Variants in ELAVL2 observed in about 807,000 individuals in gnomAD.
The protein encoded by ELAVL2 is ELAV-like protein 2.
In ELAVL2, 4 loss-of-function variants were observed where a neutral mutation model predicts 34.6. The ratio of observed to expected loss-of-function variants is 0.12; its 90% CI spans 0.06 to 0.26. The LOEUF (loss-of-function observed/expected upper bound fraction) is 0.26. ELAVL2 is among the 10% of genes least tolerant of loss of function. The probability of loss-of-function intolerance (pLI) is 1.00; values close to 1 mark genes in which losing one functional copy is unlikely to be tolerated. For synonymous variants in ELAVL2, 193 were observed against 154.8 expected, an observed-to-expected ratio of 1.25 and a Z score of -1.83; for missense variants, 432 against 442.8, an observed-to-expected ratio of 0.98 and a Z score of 0.22.
At chr9:23,738,988 T>C (rs2048523715) in intron 2 of ELAVL2, among the ~76,000 whole-genome samples, 1 of 152,142 alleles carries the variant, frequency 6.6e-6, no homozygotes. Flanking sequence ...TCTTAATATA[T>C]CACATTTTCA....
chr9:23,758,524 G>A (rs1050347680), intron 2 of ELAVL2, among the ~76,000 whole-genome samples: 2 of 152,072 alleles, frequency 1.3e-5, no homozygotes, highest in African/African-American at 4.8e-5. Context: ...GATGCCTAGT[G>A]TTCAGATTTA....
intron 1 of ELAVL2, among the ~76,000 whole-genome samples, chr9:23,811,155 T>C (rs1303384482): frequency 3.3e-5 from 5 of 152,050 alleles, no homozygotes; most frequent in Non-Finnish European, 5.9e-5. Flanking sequence ...CACCCTACCA[T>C]CCACAAAACA....
intron 3 of ELAVL2, among the ~76,000 whole-genome samples, chr9:23,711,417 T>TC (rs2040921741): frequency 6.6e-6 from 1 of 152,318 alleles, no homozygotes; most frequent in East Asian, 1.9e-4. Flanking sequence ...CCTAAAGGGC[T>TC]CCCTAAGACT....
the ELAVL2 span, among the ~76,000 whole-genome samples, chr9:23,836,298 T>G: frequency 6.6e-6 from 1 of 152,348 alleles, no homozygotes; most frequent in South Asian, 2.1e-4. Context: ...ACAGACTGTT[T>G]AAGCTGTATG....
intron 3 of ELAVL2, among the ~76,000 whole-genome samples, chr9:23,716,296 C>G (rs1245128602): frequency 6.6e-6 from 1 of 151,990 alleles, no homozygotes; most frequent in African/African-American, 2.4e-5. Context: ...CACATGTACC[C>G]TAGAACTTAA....
intron 5 of ELAVL2, among the ~76,000 whole-genome samples, chr9:23,693,964 T>A (rs1462855563): frequency 1.3e-5 from 2 of 152,216 alleles, no homozygotes; most frequent in Non-Finnish European, 2.9e-5. Context: ...GTTACAGAAT[T>A]CTATACATTT....
At position 23,780,021 on chromosome 9, in the gene ELAVL2, A is replaced by C. The variant is rs1033036840; in HGVS notation, c.-15-17772T>G. Among the ~76,000 whole-genome samples, 107 of 101,700 alleles carry C rather than the reference A, an allele frequency of 1.1e-3. 5 individuals are homozygous for C. The highest frequency in any genetic ancestry group is 1.5e-3 in the African/African-American group (37 of 25,044). The allele number at this position is 101,700 out of a possible 152,430, so 66.7% of individuals were successfully genotyped here. On this transcript the variant is annotated intron_variant, in intron 1 of 6. Transcript: ENST00000397312. ...AAAAAAAAAAAAAAAAAAAAAAAAA[A>C]AAAAAAAAAAAAACTTCATGAACTT... is the stretch of plus-strand genomic sequence containing the variant.
intron 1 of ELAVL2, among the ~76,000 whole-genome samples, chr9:23,771,654 A>AT (rs1208907446): frequency 6.6e-6 from 1 of 152,194 alleles, no homozygotes; most frequent in Non-Finnish European, 1.5e-5. Context: ...TAAACATAGT[A>AT]TATCAGAAAA....
At chr9:23,730,899 C>A in intron 3 of ELAVL2, 123 bp downstream of exon 3, 2 of 851,976 alleles carry the variant, frequency 2.3e-6, no homozygotes, top group Non-Finnish European at 3.5e-6. Flanking sequence ...ACCAAAATTC[C>A]ACTATGTCTC....
intron 2 of ELAVL2, 25 bp from the exon 3 acceptor site, chr9:23,731,150 G>T (rs2046426740): frequency 6.3e-7 from 1 of 1,599,952 alleles, no homozygotes; most frequent in African/African-American, 1.3e-5. Flanking sequence ...GGGGAAAAAG[G>T]CATATATTAG....
At chr9:23,835,139 G>C in the ELAVL2 span, among the ~76,000 whole-genome samples, 1 of 151,942 alleles carries the variant, frequency 6.6e-6, no homozygotes, top group Non-Finnish European at 1.5e-5. Context: ...ACTTTAGTTA[G>C]GCTCAAACAT....
intron 1 of ELAVL2, among the ~76,000 whole-genome samples, chr9:23,787,393 A>C (rs1233422297): frequency 6.6e-6 from 1 of 151,368 alleles, no homozygotes. Flanking sequence ...CACCATGCCC[A>C]GCTAATTTTT....
intron 1 of ELAVL2, among the ~76,000 whole-genome samples, chr9:23,771,544 T>C (rs992332300): frequency 2.6e-5 from 4 of 152,178 alleles, no homozygotes; most frequent in African/African-American, 7.2e-5. Context: ...TTATATTTGC[T>C]ACTAAATGAA....
intron 3 of ELAVL2, among the ~76,000 whole-genome samples, chr9:23,708,457 C>A (rs1166628820): frequency 6.6e-6 from 1 of 152,180 alleles, no homozygotes; most frequent in Non-Finnish European, 1.5e-5. Context: ...TCTGATCTTT[C>A]TCTTTCTGTG....
chr9:23,767,950 C>A lies in ELAVL2; in HGVS notation c.-15-5701G>T, dbSNP rs1159041031. On this transcript the variant is annotated intron_variant, in intron 1 of 6. Coordinates refer to ENST00000397312, the MANE Select transcript of ELAVL2 (RefSeq NM_004432.5). ...TGCTGAAAGGGCCAATACAATGACC[C>A]CTGGTGAGGCTGCGCCTGTTGCTCC... Among the ~76,000 whole-genome samples, 3 of 152,214 alleles carry A rather than the reference C, an allele frequency of 2.0e-5. No homozygotes were observed. In the East Asian group the frequency reaches 5.8e-4, roughly 30 times the overall value.
At chr9:23,772,659 A>G (rs2057513257) in intron 1 of ELAVL2, among the ~76,000 whole-genome samples, 1 of 152,118 alleles carries the variant, frequency 6.6e-6, no homozygotes, top group Non-Finnish European at 1.5e-5. Context: ...CTTAGAATTC[A>G]TTGATGTATT....
At chr9:23,806,064 C>T (rs1259388354) in intron 1 of ELAVL2, among the ~76,000 whole-genome samples, 1 of 151,146 alleles carries the variant, frequency 6.6e-6, no homozygotes, top group Admixed American at 6.6e-5. Context: ...AGAAATAGCA[C>T]TTTAATAAAG....
chr9:23,751,999 G>A (rs1425608297), intron 2 of ELAVL2, among the ~76,000 whole-genome samples: 1 of 152,136 alleles, frequency 6.6e-6, no homozygotes, highest in Non-Finnish European at 1.5e-5. Context: ...AGCAAAGGAT[G>A]GAGGATGAGC....
At chr9:23,769,242 C>T (rs2056879528) in intron 1 of ELAVL2, among the ~76,000 whole-genome samples, 1 of 152,130 alleles carries the variant, frequency 6.6e-6, no homozygotes, top group Non-Finnish European at 1.5e-5. Flanking sequence ...GCATCACAAC[C>T]TTTACCACAC....
Sources: gnomAD v4.1 joint callset for allele counts (sites outside exome capture counted in the v4.1 genomes callset) on GRCh38, gnomAD v4.1.1 for gene constraint, MANE v1.5 for transcripts, NCBI Gene and HGNC (gene_info 2026-07-23, HGNC 2026-07-21) for gene names.